SYTL4: variants seen among roughly 807,000 people sequenced by gnomAD.
The protein encoded by SYTL4 is synaptotagmin like 4, also known as synaptotagmin-like protein 4.
Under a neutral mutation model 52.7 loss-of-function variants are expected in SYTL4, and 16 were observed. That is an observed-to-expected ratio of 0.30 (90% CI 0.21 to 0.46). The LOEUF is 0.46. Among genes scored for constraint, SYTL4 ranks in the 20% least tolerant of loss-of-function variants. SYTL4 has a pLI of 1.00. For missense variants in SYTL4, 423 were observed against 519.9 expected (o/e 0.81, Z 1.81); for synonymous variants, 160 against 186.6 (o/e 0.86, Z 1.16).
At chrX:100,677,363 G>A (rs1453978224) in intron 19 of SYTL4, among the ~76,000 whole-genome samples, 1 of 112,002 alleles carries the variant, frequency 8.9e-6, no homozygotes, top group African/African-American at 3.2e-5. Context: ...GGGCCTGTAG[G>A]CATGTTAAGA....
chrX:100,725,681 G>A (rs919911246), intron 2 of SYTL4, among the ~76,000 whole-genome samples: 1 of 111,603 alleles, frequency 9.0e-6, no homozygotes, highest in Admixed American at 9.5e-5. Flanking sequence ...GGAGAAAAAT[G>A]GCCATTGTCT....
intron 2 of SYTL4, among the ~76,000 whole-genome samples, chrX:100,723,795 T>C (rs1225220888): frequency 2.4e-5 from 2 of 82,283 alleles, no homozygotes; most frequent in Non-Finnish European, 4.7e-5. Context: ...AAGTGAGGAG[T>C]CCCTCCGCCC....
intron 16 of SYTL4, 146 bp downstream of exon 16, chrX:100,685,844 T>C (rs934425846): frequency 2.1e-5 from 11 of 519,287 alleles, no homozygotes; most frequent in Non-Finnish European, 2.6e-5. Context: ...CCTCTGAAAT[T>C]GCTGTCAAAC....
At chrX:100,691,646 T>C (rs1408056311) in intron 8 of SYTL4, among the ~76,000 whole-genome samples, 1 of 111,608 alleles carries the variant, frequency 9.0e-6, no homozygotes, top group Non-Finnish European at 1.9e-5. Context: ...CACGCCATTC[T>C]CCTGCCTCAG....
In SYTL4 at chrX:100,676,059, G is replaced by A; in HGVS notation, c.1985C>T (p.Ser662Phe). Residue 662 changes from serine to phenylalanine, a missense_variant, in exon 20 of 20, where the codon TCC becomes TTC. Physicochemically the swap from Ser to Phe is radical, Grantham distance 155 (BLOSUM62 -2). Coordinates refer to ENST00000372989, the MANE Select transcript of SYTL4 (RefSeq NM_001370165.1). ...ACCCAGCTTCTGCTTGGCCATTGAG[G>A]AACGGAGCTGCAGAGTCCCTTCTGC... is the stretch of plus-strand genomic sequence containing the variant. Reference protein sequence around the residue: ...SWAEGTLQLRSSMAKQKLGL With the variant: ...SWAEGTLQLRFSMAKQKLGL 1 of 1,210,269 alleles carries A rather than the reference G, an allele frequency of 8.3e-7. No homozygotes were observed.
At position 100,732,067 on chromosome X, in the gene SYTL4, C is replaced by T. The variant is rs1281902747; in HGVS notation, c.-391G>A. 8.9e-6 allele frequency: 1 copy of T among 112,172 alleles called. No individual in the cohort carries two copies. Among genetic ancestry groups the T allele is most frequent in the East Asian group, 2.8e-4 (1 of 3,549 alleles). 9.2% of individuals were successfully genotyped at this position (112,172 alleles called of 1,213,427 possible). A position where few individuals can be genotyped will look rare whatever the true frequency, so the allele number is the denominator to read the frequency against. On this transcript the variant is annotated 5_prime_UTR_variant, in exon 1 of 20. Coordinates refer to ENST00000372989, the MANE Select transcript of SYTL4 (RefSeq NM_001370165.1). The stretch of plus-strand genomic sequence containing the variant: ...CCCAGTGCCGGTTTCAAGGGAGGGT[C>T]TCCGGCTCCGGGAAGATCGCAACCC...
intron 19 of SYTL4, 71 bp from the exon 20 acceptor site, chrX:100,676,247 A>G (rs1349656887): frequency 9.1e-7 from 1 of 1,100,621 alleles, no homozygotes; most frequent in African/African-American, 1.8e-5. Flanking sequence ...TGGGTTGTAC[A>G]GCAAGATTAG....
intron 16 of SYTL4, among the ~76,000 whole-genome samples, chrX:100,682,630 C>T (rs756778088): frequency 2.6e-4 from 29 of 110,419 alleles, no homozygotes; most frequent in Admixed American, 2.6e-3. Context: ...TCACTTGAAC[C>T]CAGGAGGCGG....
intron 4 of SYTL4, among the ~76,000 whole-genome samples, chrX:100,702,771 T>C (rs1428059040): frequency 8.9e-6 from 1 of 112,226 alleles, no homozygotes; most frequent in African/African-American, 3.2e-5. Context: ...CCTACCCTTA[T>C]GAAAATCACA....
At chrX:100,709,016 A>G (rs2084013029) in intron 2 of SYTL4, among the ~76,000 whole-genome samples, 1 of 112,412 alleles carries the variant, frequency 8.9e-6, no homozygotes, top group Admixed American at 9.4e-5. Context: ...TCATAGCCCC[A>G]GGAGCTTGGC....
Position 100,675,701 on chromosome X carries a change from G to A in SYTL4, c.*327C>T, listed in dbSNP as rs1419242137. 6 of 165,004 alleles carry A rather than the reference G, an allele frequency of 3.6e-5. No individual in the cohort carries two copies. The allele number at this position is 165,004 out of a possible 1,213,427, so 13.6% of individuals were successfully genotyped here. On this transcript the variant is annotated 3_prime_UTR_variant, in exon 20 of 20. Transcript: ENST00000372989. ...ATAGCAAGACAGAAGATAAAAAGTT[G>A]TTTTAAAAGCTGTTTTTAAGTTAAG...
At chrX:100,719,395 C>A (rs2084293856) in intron 2 of SYTL4, among the ~76,000 whole-genome samples, 1 of 111,223 alleles carries the variant, frequency 9.0e-6, no homozygotes, top group Admixed American at 9.6e-5. Context: ...TATACTGTCT[C>A]TTCATATTCT....
At chrX:100,684,506 A>G (rs930319108) in intron 16 of SYTL4, among the ~76,000 whole-genome samples, 26 of 110,993 alleles carry the variant, frequency 2.3e-4, no homozygotes, top group Middle Eastern at 4.6e-3. Context: ...ACATGAAAAA[A>G]TACTATGCAG....
chrX:100,676,683 CA>C, intron 19 of SYTL4, among the ~76,000 whole-genome samples: 1 of 110,795 alleles, frequency 9.0e-6, no homozygotes, highest in East Asian at 2.8e-4. Flanking sequence ...GACGGGGTTT[CA>C]CCATGTTGGC....
rs2083250649 is a variant in SYTL4 at position 100,674,744 on chromosome X, A to G, written c.*1284T>C. The G allele has an allele frequency of 8.9e-6, 1 of 111,761 alleles. No homozygotes were observed. The highest frequency in any genetic ancestry group is 1.9e-5 in the Non-Finnish European group (1 of 53,194). The allele number at this position is 111,761 out of a possible 1,213,427, so 9.2% of individuals were successfully genotyped here. On this transcript the variant is annotated 3_prime_UTR_variant, in exon 20 of 20. Transcript: ENST00000372989. ...TGTTGAAAGGGATTTCCTCTCTGCT[A>G]TACACTCCTTCCACACACAACTTTG...
chrX:100,716,514 C>T (rs1321960730), intron 2 of SYTL4, among the ~76,000 whole-genome samples: 1 of 54,751 alleles, frequency 1.8e-5, no homozygotes, highest in African/African-American at 6.9e-5. Context: ...AAAATGAAAC[C>T]AAATCCAGAG....
rs1477048742 is a variant in SYTL4 at position 100,691,113 on chromosome X, G to A, written c.636C>T (p.Thr212=). 2 of 1,197,657 alleles carry A rather than the reference G, an allele frequency of 1.7e-6. No individual in the cohort carries two copies. Among genetic ancestry groups the A allele is most frequent in the Admixed American group, 4.4e-5 (2 of 45,261 alleles). Residue 212 remains threonine, a synonymous_variant, in exon 9 of 20, where the codon ACC becomes ACT. Transcript: ENST00000372989. ...GGAAATGGGGGGAACCCCACCTGGA[G>A]GTGCTATCCGAGTCAGCTGTGAAGC... The part of the protein sequence containing the change: ...LDSFTADSDS[T]SRRDSLDKSG...
At chrX:100,691,674 A>G (rs958525840) in intron 8 of SYTL4, among the ~76,000 whole-genome samples, 6 of 111,535 alleles carry the variant, frequency 5.4e-5, no homozygotes, top group Non-Finnish European at 9.4e-5. Flanking sequence ...AGTAGCTGGG[A>G]CTACAGGTGC....
intron 2 of SYTL4, among the ~76,000 whole-genome samples, chrX:100,719,863 T>C (rs2084305072): frequency 8.9e-6 from 1 of 111,917 alleles, no homozygotes; most frequent in Non-Finnish European, 1.9e-5. Flanking sequence ...AAATAATATA[T>C]ACAACTCTAA....
Sources: allele counts gnomAD v4.1 joint callset (sites outside exome capture counted in the v4.1 genomes callset), GRCh38; gene constraint gnomAD v4.1.1; transcripts MANE v1.5; gene names NCBI Gene and HGNC (gene_info 2026-07-23, HGNC 2026-07-21).